The following PLXNA2 variants were observed in gnomAD, a reference collection of about 807,000 sequenced individuals.
PLXNA2 encodes the protein plexin-A2.
PLXNA2 carries 91 observed loss-of-function variants against 193.5 expected under a neutral mutation model. The observed-to-expected ratio is 0.47, with a 90% confidence interval of 0.40 to 0.56. The LOEUF (loss-of-function observed/expected upper bound fraction) is 0.56, where lower values mean the gene tolerates loss of function less well. Among genes scored for constraint, PLXNA2 ranks in the 20% least tolerant of loss-of-function variants. The pLI is 0.00. For synonymous variants in PLXNA2, 997 were observed against 1,027.3 expected (o/e 0.97, Z 0.56); for missense variants, 1,995 against 2,503.2 (o/e 0.80, Z 4.33).
Position 208,033,335 on chromosome 1 carries a change from CG to C in PLXNA2, c.5038del (p.Arg1680GlyfsTer41), listed in dbSNP as rs1351389977. On this transcript the variant is annotated frameshift_variant, in exon 28 of 32. Transcript: ENST00000367033. LOFTEE classifies it high-confidence loss of function. ...GGGAGTTACCTTGGTGGCCAGTAGC[CG>C]GGTCAGGTAGATCTCGGACACCATC... is the stretch of plus-strand genomic sequence containing the variant. ...SKMVSEIYLT[R>X]LLATKGTLQK... 6.2e-7 allele frequency: 1 copy of C among 1,612,972 alleles called. No individual in the cohort carries two copies. Among genetic ancestry groups the C allele is most frequent in the South Asian group, 1.1e-5 (1 of 90,938 alleles).
intron 5 of PLXNA2, among the ~76,000 whole-genome samples, chr1:208,102,220 C>T (rs1667119429): frequency 6.6e-6 from 1 of 152,240 alleles, no homozygotes; most frequent in Non-Finnish European, 1.5e-5. Context: ...GCCGCAGAGG[C>T]TGGAAGCCAA....
intron 3 of PLXNA2, among the ~76,000 whole-genome samples, chr1:208,158,526 A>G (rs769179173): frequency 4.6e-5 from 7 of 152,170 alleles, no homozygotes; most frequent in Admixed American, 2.0e-4. Flanking sequence ...CCACCTCCCA[A>G]ACTGACCTGT....
chr1:208,228,301 A>G (rs758359150), intron 1 of PLXNA2, among the ~76,000 whole-genome samples: 1 of 152,206 alleles, frequency 6.6e-6, no homozygotes, highest in Non-Finnish European at 1.5e-5. Flanking sequence ...CATTAGTGCC[A>G]GATGATGTGC....
At chr1:208,100,253 C>T (rs1265719153) in intron 5 of PLXNA2, among the ~76,000 whole-genome samples, 1 of 151,860 alleles carries the variant, frequency 6.6e-6, no homozygotes. Flanking sequence ...CCTCTAGTTC[C>T]AGTTACTCAA....
At position 208,024,722 on chromosome 1, in the gene PLXNA2, T is replaced by C. The variant is rs1664287918; in HGVS notation, c.*2521A>G. On this transcript the variant is annotated 3_prime_UTR_variant, in exon 32 of 32. Coordinates refer to ENST00000367033, the MANE Select transcript of PLXNA2 (RefSeq NM_025179.4). ...TGCTGGGAGATGCCAGGTAGATGCA[T>C]TGAGTTAAGGGCTGGTAGAGATGCT... 6.6e-6 allele frequency: 1 copy of C among 152,142 alleles called. No individual in the cohort carries two copies. The highest frequency in any genetic ancestry group is 2.4e-5 in the African/African-American group (1 of 41,432). 9.4% of individuals were successfully genotyped at this position (152,142 alleles called of 1,614,324 possible). A position where few individuals can be genotyped will look rare whatever the true frequency, so the allele number is the denominator to read the frequency against.
chr1:208,127,813 G>A (rs71515127), intron 4 of PLXNA2, among the ~76,000 whole-genome samples: 81,959 of 151,734 alleles, frequency 0.54, 22,449 homozygotes, highest in African/African-American at 0.57. Context: ...GTAAAACGGG[G>A]TGAGAAGAAG....
chr1:208,144,449 G>A (rs1420420972), intron 3 of PLXNA2, among the ~76,000 whole-genome samples: 1 of 152,184 alleles, frequency 6.6e-6, no homozygotes, highest in Non-Finnish European at 1.5e-5. Flanking sequence ...ATGTACATGG[G>A]AAACAGACCA....
At chr1:208,134,636 C>A (rs563307650) in intron 4 of PLXNA2, among the ~76,000 whole-genome samples, 1 of 152,282 alleles carries the variant, frequency 6.6e-6, no homozygotes, top group South Asian at 2.1e-4. Flanking sequence ...CCTCACATTC[C>A]CTCCTCCCCA....
Position 208,044,911 on chromosome 1 carries a change from T to C in PLXNA2, c.3639+156A>G, listed in dbSNP as rs547245085. On this transcript the variant is annotated intron_variant, in intron 19 of 31. Coordinates refer to ENST00000367033, the MANE Select transcript of PLXNA2 (RefSeq NM_025179.4). The surrounding 1 kb of genome is among the most constrained non-coding windows in gnomAD (Gnocchi z 4.9). ...CGGCATCTGCCTTTCTTTTCTTGTG[T>C]TCTCAGCTTATACCCAATTTGATGT... Among the ~76,000 whole-genome samples, 19 of 152,340 alleles carry C rather than the reference T, an allele frequency of 1.2e-4. No homozygotes were observed. Among genetic ancestry groups the C allele is most frequent in the Middle Eastern group, 3.4e-3 (1 of 294 alleles).
chr1:208,242,467 C>A (rs1163451094), intron 1 of PLXNA2, among the ~76,000 whole-genome samples: 1 of 152,230 alleles, frequency 6.6e-6, no homozygotes, highest in African/African-American at 2.4e-5. Flanking sequence ...GTGACTGCCT[C>A]AAGCTATGAC....
chr1:208,111,170 C>A (rs1039897359), intron 4 of PLXNA2, among the ~76,000 whole-genome samples: 9 of 152,226 alleles, frequency 5.9e-5, no homozygotes, highest in African/African-American at 2.2e-4. Flanking sequence ...CTTGCCTCAG[C>A]CCTCCTGAGT....
At chr1:208,207,395 T>C (rs1208174138) in intron 3 of PLXNA2, among the ~76,000 whole-genome samples, 1 of 152,194 alleles carries the variant, frequency 6.6e-6, no homozygotes, top group Non-Finnish European at 1.5e-5. Context: ...TCTAGGGTGC[T>C]CTCTATGCAT....
At chr1:208,227,030 T>C (rs978700960) in intron 1 of PLXNA2, among the ~76,000 whole-genome samples, 1 of 152,210 alleles carries the variant, frequency 6.6e-6, no homozygotes. Flanking sequence ...ATTTAAACCA[T>C]CTTATCAATT....
At chr1:208,084,051 C>A (rs1009852580) in intron 10 of PLXNA2, among the ~76,000 whole-genome samples, 4 of 152,188 alleles carry the variant, frequency 2.6e-5, no homozygotes, top group African/African-American at 9.7e-5. Flanking sequence ...CAAAACATCT[C>A]ATGTAGCCCA....
At chr1:208,103,651 C>T (rs1230097071) in intron 4 of PLXNA2, among the ~76,000 whole-genome samples, 2 of 152,334 alleles carry the variant, frequency 1.3e-5, no homozygotes, top group African/African-American at 4.8e-5. Context: ...CCTGCCTACA[C>T]AGAAAACATT....
chr1:208,097,006 T>A (rs1022581259), intron 6 of PLXNA2, 123 bp from the exon 7 acceptor site: 1 of 820,472 alleles, frequency 1.2e-6, no homozygotes, highest in Non-Finnish European at 1.9e-6. Flanking sequence ...AAAAGAAGGA[T>A]GTTGGTCTAA....
chr1:208,163,884 G>A (rs894910178), intron 3 of PLXNA2, among the ~76,000 whole-genome samples: 2 of 152,204 alleles, frequency 1.3e-5, no homozygotes, highest in African/African-American at 4.8e-5. Context: ...TAAATGAATT[G>A]ATGATCTCTG....
At chr1:208,142,094 A>G (rs1223524790) in intron 4 of PLXNA2, among the ~76,000 whole-genome samples, 1 of 152,182 alleles carries the variant, frequency 6.6e-6, no homozygotes, top group Non-Finnish European at 1.5e-5. Context: ...AGGGCTGTTC[A>G]TCACTTACTG....
chr1:208,049,628 G>A (rs1224192722), intron 17 of PLXNA2, among the ~76,000 whole-genome samples: 1 of 152,192 alleles, frequency 6.6e-6, no homozygotes, highest in African/African-American at 2.4e-5. Flanking sequence ...CTGGATGTTT[G>A]GGATCCACCT....
Sources: allele counts gnomAD v4.1 joint callset (sites outside exome capture counted in the v4.1 genomes callset), GRCh38; gene constraint gnomAD v4.1.1; non-coding constraint Gnocchi (gnomAD v3.1); transcripts MANE v1.5; gene names NCBI Gene and HGNC (gene_info 2026-07-23, HGNC 2026-07-21).